Variants in DPYD observed in about 807,000 individuals in gnomAD.
The protein encoded by DPYD is dihydropyrimidine dehydrogenase [NADP(+)].
Under a neutral mutation model 116.2 loss-of-function variants are expected in DPYD, and 109 were observed. The ratio of observed to expected loss-of-function variants is 0.94; its 90% CI spans 0.80 to 1.10. The LOEUF (loss-of-function observed/expected upper bound fraction) is 1.10, where lower values mean the gene tolerates loss of function less well. Among genes scored for constraint, DPYD ranks in the 50% least tolerant of loss-of-function variants. The pLI is 0.00. For missense variants in DPYD, 1,302 were observed against 1,254.5 expected, an observed-to-expected ratio of 1.04 and a Z score of -0.57; for synonymous variants, 440 against 432.0, an observed-to-expected ratio of 1.02 and a Z score of -0.23.
chr1:97,775,804 T>A (rs925464613), intron 3 of DPYD, among the ~76,000 whole-genome samples: 3 of 152,176 alleles, frequency 2.0e-5, no homozygotes, highest in Admixed American at 2.0e-4. Flanking sequence ...TGCAAATAGT[T>A]TTTTAGTGAA....
At chr1:97,084,231 T>G (rs1389511910) in intron 21 of DPYD, among the ~76,000 whole-genome samples, 1 of 152,060 alleles carries the variant, frequency 6.6e-6, no homozygotes, top group African/African-American at 2.4e-5. Context: ...TCAGCTACAC[T>G]GGAGGACACA....
chr1:97,621,982 C>T (rs1160560193), intron 8 of DPYD, among the ~76,000 whole-genome samples: 3 of 151,948 alleles, frequency 2.0e-5, no homozygotes, highest in South Asian at 4.2e-4. Flanking sequence ...TAAATATCCA[C>T]GAGTCCATCA....
intron 16 of DPYD, among the ~76,000 whole-genome samples, chr1:97,354,050 A>C (rs1335382824): frequency 2.6e-5 from 4 of 152,190 alleles, no homozygotes; most frequent in Non-Finnish European, 5.9e-5. Flanking sequence ...GAACAATAAT[A>C]GTAAATATAT....
chr1:97,584,758 A>T (rs1260472352), intron 10 of DPYD, among the ~76,000 whole-genome samples: 1 of 130,666 alleles, frequency 7.7e-6, no homozygotes, highest in African/African-American at 2.9e-5. Flanking sequence ...ATGAGAACAC[A>T]TGGACACAGG....
chr1:97,312,659 T>A (rs1173111226), intron 16 of DPYD, among the ~76,000 whole-genome samples: 1 of 152,006 alleles, frequency 6.6e-6, no homozygotes, highest in Admixed American at 6.6e-5. Context: ...AACACACAGA[T>A]AGCCTAATCC....
intron 20 of DPYD, among the ~76,000 whole-genome samples, chr1:97,129,285 C>T (rs912940295): frequency 8.6e-5 from 13 of 151,920 alleles, no homozygotes; most frequent in African/African-American, 2.7e-4. Context: ...AGGCTGGTCT[C>T]GAACTCCTAA....
chr1:97,230,660 T>C (rs1310026397), intron 19 of DPYD, among the ~76,000 whole-genome samples: 1 of 152,028 alleles, frequency 6.6e-6, no homozygotes, highest in Non-Finnish European at 1.5e-5. Context: ...TCCAAGCCAA[T>C]AGACAGTAAG....
intron 8 of DPYD, among the ~76,000 whole-genome samples, chr1:97,600,671 G>A (rs1048580133): frequency 5.3e-5 from 8 of 152,030 alleles, no homozygotes; most frequent in African/African-American, 1.9e-4. Context: ...GAATTAACAC[G>A]AAAAACAGGT....
rs557287171 is a variant in DPYD at position 97,501,061 on chromosome 1, C to T, written c.1740+14665G>A. Among the ~76,000 whole-genome samples the T allele has an allele frequency of 1.1e-3, 162 of 152,140 alleles. 1 individual carries two copies. Among genetic ancestry groups the T allele is most frequent in the Non-Finnish European group, 1.8e-3 (124 of 67,974 alleles). ...TTCAGTCTTTGCACATTCCAACATT[C>T]CAATACACAACAGCGACCATGTTTC... is the stretch of plus-strand genomic sequence containing the variant. On this transcript the variant is annotated intron_variant, in intron 13 of 22. Transcript: ENST00000370192.
intron 3 of DPYD, among the ~76,000 whole-genome samples, chr1:97,785,128 A>G (rs1213489249): frequency 6.6e-6 from 1 of 152,180 alleles, no homozygotes; most frequent in East Asian, 1.9e-4. Flanking sequence ...GCTAATACAA[A>G]CTTTTATTTG....
chr1:97,763,037 TC>T (rs1317025474), intron 3 of DPYD, among the ~76,000 whole-genome samples: 1 of 152,058 alleles, frequency 6.6e-6, no homozygotes, highest in Non-Finnish European at 1.5e-5. Context: ...GTAGTAAATG[TC>T]CAATAAATAT....
chr1:97,530,506 C>T lies in DPYD; in HGVS notation c.1525-14565G>A, dbSNP rs919289673. ...GGCTGGGATTACAGGCGTGAGCCAC[C>T]GCGCCTGGCCATTATCCATTTATCT... is the stretch of plus-strand genomic sequence containing the variant. On this transcript the variant is annotated intron_variant, in intron 12 of 22. Coordinates refer to ENST00000370192, the MANE Select transcript of DPYD (RefSeq NM_000110.4). 3.9e-5 allele frequency among the ~76,000 whole-genome samples: 6 copies of T among 152,228 alleles called. No individual in the cohort carries two copies. In the East Asian group the frequency reaches 9.7e-4, roughly 25 times the overall value.
intron 16 of DPYD, among the ~76,000 whole-genome samples, chr1:97,342,928 G>A (rs553498129): frequency 1.3e-5 from 2 of 151,836 alleles, no homozygotes; most frequent in Non-Finnish European, 2.9e-5. Flanking sequence ...TTATGATAGA[G>A]CACACTTTTT....
chr1:97,532,609 G>C (rs1649710140), intron 12 of DPYD, among the ~76,000 whole-genome samples: 1 of 151,930 alleles, frequency 6.6e-6, no homozygotes, highest in African/African-American at 2.4e-5. Context: ...TGTCTTTATA[G>C]GTTGTATGTT....
intron 13 of DPYD, among the ~76,000 whole-genome samples, 183 bp downstream of exon 13, chr1:97,515,543 C>T (rs566496917): frequency 1.3e-5 from 2 of 151,720 alleles, no homozygotes; most frequent in East Asian, 3.9e-4. Flanking sequence ...GCAATATATG[C>T]CTGCCCCTTC....
At chr1:97,580,171 G>A (rs1211525679) in intron 10 of DPYD, among the ~76,000 whole-genome samples, 2 of 152,176 alleles carry the variant, frequency 1.3e-5, no homozygotes, top group African/African-American at 2.4e-5. Flanking sequence ...CTCAAAACCA[G>A]CATATATTAA....
chr1:97,201,734 A>G (rs548512436), intron 19 of DPYD, among the ~76,000 whole-genome samples: 168 of 152,224 alleles, frequency 1.1e-3, no homozygotes, highest in African/African-American at 3.9e-3. Flanking sequence ...TATATATTGC[A>G]TTTAGCAGTA....
At chr1:97,127,478 T>G (rs1450439341) in intron 20 of DPYD, among the ~76,000 whole-genome samples, 2 of 152,160 alleles carry the variant, frequency 1.3e-5, no homozygotes, top group Non-Finnish European at 2.9e-5. Context: ...AACTCCTTTT[T>G]CTATGAAGCT....
rs565772160 is a variant in DPYD, at chr1:97,165,375, T to C, written c.2622+27694A>G. 1.4e-4 allele frequency among the ~76,000 whole-genome samples: 22 copies of C among 152,268 alleles called. 1 individual carries two copies. The East Asian group carries it at 1.7e-3, about 12-fold the overall frequency. On this transcript the variant is annotated intron_variant, in intron 20 of 22. Coordinates refer to ENST00000370192, the MANE Select transcript of DPYD (RefSeq NM_000110.4). ...TGATGCTGAGATAAATGGCTAGCCA[T>C]ATGCAGAAGATTAAAATTGGACCCC...
Sources: gnomAD v4.1 joint callset for allele counts (sites outside exome capture counted in the v4.1 genomes callset) on GRCh38, gnomAD v4.1.1 for gene constraint, MANE v1.5 for transcripts, NCBI Gene and HGNC (gene_info 2026-07-23, HGNC 2026-07-21) for gene names.